The following PLB1 variants were observed in gnomAD, a reference collection of about 807,000 sequenced individuals.
The protein encoded by PLB1 is phospholipase B1, membrane-associated.
In PLB1, 242 loss-of-function variants were observed where a neutral mutation model predicts 227.4. That is an observed-to-expected ratio of 1.06 (90% CI 0.96 to 1.18). PLB1 has a LOEUF of 1.18. Among genes scored for constraint, PLB1 ranks in the 50% most tolerant of loss-of-function variants. The pLI is 0.00. For missense variants in PLB1, 1,858 were observed against 1,816.3 expected (o/e 1.02, Z -0.42); for synonymous variants, 757 against 682.2 (o/e 1.11, Z -1.71).
chr2:28,566,501 A>G, intron 19 of PLB1: 3 of 404,060 alleles, frequency 7.4e-6, no homozygotes, highest in East Asian at 8.2e-5. Flanking sequence ...ACGAGGGACT[A>G]CTTCCCCTTT....
intron 16 of PLB1, among the ~76,000 whole-genome samples, chr2:28,552,582 A>G (rs571322303): frequency 6.6e-6 from 1 of 152,214 alleles, no homozygotes; most frequent in Non-Finnish European, 1.5e-5. Flanking sequence ...GACACATCAG[A>G]TCACGTTGAG....
intron 6 of PLB1, among the ~76,000 whole-genome samples, chr2:28,527,982 C>T (rs1670495945): frequency 6.6e-6 from 1 of 152,332 alleles, no homozygotes; most frequent in East Asian, 1.9e-4. Context: ...GAACCCAGCT[C>T]AGAACTTTCC....
Position 28,643,022 on chromosome 2 carries a change from G to A in PLB1, c.4338G>A (p.Arg1446=), listed in dbSNP as rs1263864075. The change falls in exon 58 of 58, where the codon AGG becomes AGA. Residue 1446 remains arginine (R), a synonymous_variant. Transcript: ENST00000327757. ...VVWRCRRGGR[R]EDPPMSLRTV... is the part of the protein sequence containing the mutation. ...GGAGGTGCAGGAGAGGTGGCCGGAG[G>A]GAAGATCCTCCAATGAGCCTGCGCA... 1 of 1,610,386 alleles carries A rather than the reference G, an allele frequency of 6.2e-7. No individual in the cohort carries two copies. Among genetic ancestry groups the A allele is most frequent in the Non-Finnish European group, 8.5e-7 (1 of 1,178,656 alleles).
At chr2:28,564,214 G>A (rs1676496643) in intron 18 of PLB1, among the ~76,000 whole-genome samples, 1 of 152,280 alleles carries the variant, frequency 6.6e-6, no homozygotes, top group South Asian at 2.1e-4. Context: ...TGCACTCCAG[G>A]CTGGACAACA....
rs773249269 is a variant in PLB1, at chr2:28,617,772, A to G, written c.3241A>G (p.Ser1081Gly). 135 of 1,613,984 alleles carry G rather than the reference A, an allele frequency of 8.4e-5. No homozygotes were observed. Among genetic ancestry groups the G allele is most frequent in the Non-Finnish European group, 1.1e-4 (127 of 1,179,924 alleles). Residue 1081 changes from serine to glycine, a missense_variant, in exon 45 of 58, where the codon AGT (serine) becomes GGT (glycine). Ser to Gly is a moderately conservative substitution (Grantham distance 56). Transcript: ENST00000327757. ...GTGTACAGAGTGGAAGGCTTCCAAT[A>G]GTGTTCCAACCTCTGGTGAGTGAAA... ...FLCTEWKASNSVPTSVHQLRP... is the reference protein window; with the variant it reads ...FLCTEWKASNGVPTSVHQLRP...
At chr2:28,558,991 C>T (rs575276901) in intron 17 of PLB1, among the ~76,000 whole-genome samples, 10 of 152,212 alleles carry the variant, frequency 6.6e-5, no homozygotes, top group Non-Finnish European at 1.5e-4. Context: ...TCCCTAAGTG[C>T]TGGGATTATA....
intron 1 of PLB1, among the ~76,000 whole-genome samples, chr2:28,512,230 T>C (rs750656974): frequency 4.3e-4 from 66 of 152,134 alleles, no homozygotes; most frequent in Non-Finnish European, 5.1e-4. Flanking sequence ...ATCTTTAAGT[T>C]TACTGATCTT....
At chr2:28,598,547 G>T in intron 34 of PLB1, 105 bp from the exon 35 acceptor site, 2 of 845,214 alleles carry the variant, frequency 2.4e-6, no homozygotes, top group Non-Finnish European at 2.0e-6. Context: ...GAAGCATGAG[G>T]ATGATAACAC....
intron 50 of PLB1, among the ~76,000 whole-genome samples, 188 bp from the exon 51 acceptor site, chr2:28,626,240 C>T (rs1459529262): frequency 6.6e-6 from 1 of 152,158 alleles, no homozygotes; most frequent in African/African-American, 2.4e-5. Context: ...AGGTGATCCA[C>T]CTGCCTCAGC....
At chr2:28,630,794 G>T in intron 54 of PLB1, 130 bp downstream of exon 54, 1 of 692,112 alleles carries the variant, frequency 1.4e-6, no homozygotes, top group Non-Finnish European at 2.4e-6. Flanking sequence ...TGCAGCCCCT[G>T]AAATACTTAC....
chr2:28,636,016 T>G (rs191265980), intron 56 of PLB1, among the ~76,000 whole-genome samples: 1 of 124,524 alleles, frequency 8.0e-6, no homozygotes, highest in Non-Finnish European at 1.8e-5. Context: ...TATGTATGTA[T>G]GAATGTGTGT....
At chr2:28,502,464 T>C (rs929912923) in intron 1 of PLB1, among the ~76,000 whole-genome samples, 3 of 152,188 alleles carry the variant, frequency 2.0e-5, no homozygotes, top group Non-Finnish European at 4.4e-5. Flanking sequence ...TTTCAGCATG[T>C]ATAGAAATAA....
rs759790753 is a variant in PLB1, at chr2:28,496,146, AGCT to A, written c.42_44del (p.Leu16del). ...CTGCGGCCAGGCATTTTCCTCCTGG[AGCT>A]GCTGCTGCTTCTGGGGCAAGGTAAG... is the stretch of plus-strand genomic sequence containing the variant. On this transcript the variant is annotated inframe_deletion, in exon 1 of 58. Coordinates refer to ENST00000327757, the MANE Select transcript of PLB1 (RefSeq NM_153021.5). 24 of 1,613,942 alleles carry A rather than the reference AGCT, an allele frequency of 1.5e-5. No individual in the cohort carries two copies. Among genetic ancestry groups the A allele is most frequent in the Non-Finnish European group, 1.9e-5 (22 of 1,179,978 alleles).
At chr2:28,499,999 A>ATT (rs34704190) in intron 1 of PLB1, among the ~76,000 whole-genome samples, 1 of 151,948 alleles carries the variant, frequency 6.6e-6, no homozygotes, top group Non-Finnish European at 1.5e-5. Flanking sequence ...TTGCTAAGAG[A>ATT]TTTTTTAAAA....
At chr2:28,628,123 G>A (rs923126495) in intron 51 of PLB1, among the ~76,000 whole-genome samples, 1 of 152,210 alleles carries the variant, frequency 6.6e-6, no homozygotes, top group Non-Finnish European at 1.5e-5. Flanking sequence ...GGGGATAGAA[G>A]TTAGGGGAAC....
In PLB1 at chr2:28,620,561, G is replaced by A. The variant is rs111835372; in HGVS notation, c.3384-39G>A. 0.011 allele frequency: 18,208 copies of A among 1,586,378 alleles called. 1,766 individuals carry two copies. The African/African-American group carries it at 0.21, about 19-fold the overall frequency. On this transcript the variant is annotated intron_variant, in intron 47 of 57. Transcript: ENST00000327757. ...CATATGTTGACACAGGGAGCAGCATGTTGGTGTGAGTTTAACAAATATGCT... is the reference window on the plus strand; with the variant it reads ...CATATGTTGACACAGGGAGCAGCATATTGGTGTGAGTTTAACAAATATGCT...
intron 1 of PLB1, among the ~76,000 whole-genome samples, chr2:28,516,132 C>G (rs1263349555): frequency 6.6e-6 from 1 of 151,906 alleles, no homozygotes; most frequent in African/African-American, 2.4e-5. Flanking sequence ...GAAAACTTAT[C>G]TACGTGTACA....
intron 2 of PLB1, among the ~76,000 whole-genome samples, 177 bp from the exon 3 acceptor site, chr2:28,518,289 G>A (rs931560921): frequency 6.6e-6 from 1 of 152,136 alleles, no homozygotes; most frequent in South Asian, 2.1e-4. Context: ...ACTTATGTAC[G>A]CTTTTACCAG....
At chr2:28,560,177 C>T (rs938284690) in intron 17 of PLB1, among the ~76,000 whole-genome samples, 1 of 152,172 alleles carries the variant, frequency 6.6e-6, no homozygotes, top group Non-Finnish European at 1.5e-5. Flanking sequence ...AAACTCTGTA[C>T]TAGGCTTCTT....
Sources: gnomAD v4.1 joint callset for allele counts (sites outside exome capture counted in the v4.1 genomes callset) on GRCh38, gnomAD v4.1.1 for gene constraint, MANE v1.5 for transcripts, NCBI Gene and HGNC (gene_info 2026-07-23, HGNC 2026-07-21) for gene names.